ACP1: variants seen among roughly 807,000 people sequenced by gnomAD.
The protein encoded by ACP1 is acid phosphatase 1.
A neutral mutation model predicts 23.4 loss-of-function variants in ACP1; 23 were observed. That is an observed-to-expected ratio of 0.98 (90% CI 0.71 to 1.39). The LOEUF (loss-of-function observed/expected upper bound fraction) is 1.39. ACP1 is among the 40% of genes most tolerant of loss of function. ACP1 has a pLI of 0.00. For missense variants in ACP1, 180 were observed against 197.7 expected (o/e 0.91, Z 0.54); for synonymous variants, 72 against 67.2 (o/e 1.07, Z -0.35).
intron 1 of ACP1, chr2:266,363 T>C (rs1428813826): frequency 6.6e-6 from 1 of 152,232 alleles, no homozygotes; most frequent in African/African-American, 2.4e-5. Context: ...ATGAAATCAA[T>C]AAGTTTATTA....
chr2:266,948 A>C (rs112964595), intron 1 of ACP1, among the ~76,000 whole-genome samples: 4 of 152,156 alleles, frequency 2.6e-5, no homozygotes, highest in African/African-American at 9.7e-5. Context: ...GAACTCAGGC[A>C]CTGTGATAGC....
rs961284736 is a variant in ACP1, at chr2:277,432, C to T, written c.*128C>T. 1.3e-6 allele frequency: 1 copy of T among 789,768 alleles called. No homozygotes were observed. The highest frequency in any genetic ancestry group is 2.2e-6 in the Non-Finnish European group (1 of 461,074). The allele number at this position is 789,768 out of a possible 1,614,324, so 48.9% of individuals were successfully genotyped here. A position where few individuals can be genotyped will look rare whatever the true frequency, so the allele number is the denominator to read the frequency against. On this transcript the variant is annotated 3_prime_UTR_variant, in exon 6 of 6. Coordinates refer to ENST00000272065, the MANE Select transcript of ACP1 (RefSeq NM_004300.4). ...TCTTTGTTCAGTTGACTTACTGTTTCTTACCTTAAAAAGTAATTGTAGATG... is the reference window on the plus strand; with the variant it reads ...TCTTTGTTCAGTTGACTTACTGTTTTTTACCTTAAAAAGTAATTGTAGATG...
intron 3 of ACP1, among the ~76,000 whole-genome samples, chr2:273,453 TGCACCTTTTTTTGAG>T (rs1333962757): frequency 1.3e-5 from 2 of 152,250 alleles, no homozygotes; most frequent in African/African-American, 4.8e-5. Context: ...GATTGGGGCC[TGCACCTTTTTTTGAG>T]GCACCTTTTT....
intron 1 of ACP1, among the ~76,000 whole-genome samples, 181 bp from the exon 2 acceptor site, chr2:271,685 G>A (rs1033027669): frequency 4.6e-5 from 7 of 152,150 alleles, no homozygotes; most frequent in African/African-American, 1.7e-4. Flanking sequence ...AGCCTGATAG[G>A]CTGTTCTCCA....
chr2:270,594 T>C (rs1021257974), intron 1 of ACP1, among the ~76,000 whole-genome samples: 4 of 152,152 alleles, frequency 2.6e-5, no homozygotes, highest in African/African-American at 9.7e-5. Context: ...TTCCCACTTT[T>C]ATTATAATAA....
chr2:275,007 A>G, intron 3 of ACP1, 133 bp from the exon 4 acceptor site: 1 of 405,362 alleles, frequency 2.5e-6, no homozygotes. Flanking sequence ...AAAGTACCCT[A>G]AAAATTATTT....
intron 3 of ACP1, among the ~76,000 whole-genome samples, chr2:273,588 C>T (rs908626442): frequency 1.8e-4 from 28 of 152,294 alleles, no homozygotes; most frequent in Admixed American, 1.2e-3. Flanking sequence ...CCACAAAGCC[C>T]GACTGTCTCT....
chr2:276,897 A>G, intron 4 of ACP1, 83 bp from the exon 5 acceptor site: 2 of 804,504 alleles, frequency 2.5e-6, no homozygotes, highest in African/African-American at 1.7e-5. Context: ...TTTGATATGG[A>G]TGTTTCAGAA....
chr2:267,617 G>A (rs754551890), intron 1 of ACP1, among the ~76,000 whole-genome samples: 28 of 152,230 alleles, frequency 1.8e-4, no homozygotes, highest in Admixed American at 3.3e-4. Flanking sequence ...GCTGGGCCTA[G>A]TGGCCAGATA....
intron 3 of ACP1, chr2:272,687 T>C (rs1338048527): frequency 1.0e-5 from 3 of 287,920 alleles, no homozygotes; most frequent in African/African-American, 6.6e-5. Context: ...AAACATTTTT[T>C]CAACTGTAAA....
In ACP1 at chr2:278,215, GATA is replaced by G. The variant is rs1483710896; in HGVS notation, c.*914_*916del. 1 of 152,160 alleles carries G rather than the reference GATA, an allele frequency of 6.6e-6. No individual in the cohort carries two copies. The allele number at this position is 152,160 out of a possible 1,614,324, so 9.4% of individuals were successfully genotyped here. The stretch of plus-strand genomic sequence containing the variant: ...GTAAGGTAATTTCTGTGTATTTTGA[GATA>G]ATGTCAAAATCATGAATATTTCAAA... On this transcript the variant is annotated 3_prime_UTR_variant, in exon 6 of 6. Coordinates refer to ENST00000272065, the MANE Select transcript of ACP1 (RefSeq NM_004300.4).
intron 3 of ACP1, chr2:272,394 A>C: frequency 2.0e-6 from 3 of 1,509,956 alleles, no homozygotes; most frequent in Non-Finnish European, 2.7e-6. Flanking sequence ...ATATTAATGA[A>C]TGTGTTTATT....
At chr2:270,066 G>A (rs897827308) in intron 1 of ACP1, among the ~76,000 whole-genome samples, 1 of 152,054 alleles carries the variant, frequency 6.6e-6, no homozygotes, top group Non-Finnish European at 1.5e-5. Flanking sequence ...TCCTTCATAC[G>A]AGCCTCTTAC....
At chr2:265,885 C>T (rs186708534) in intron 1 of ACP1, among the ~76,000 whole-genome samples, 8 of 152,328 alleles carry the variant, frequency 5.3e-5, no homozygotes, top group Admixed American at 5.2e-4. Flanking sequence ...TGTTCGGTAG[C>T]ACTTCACATG....
intron 1 of ACP1, 128 bp downstream of exon 1, chr2:265,135 G>A: frequency 2.6e-6 from 3 of 1,162,784 alleles, no homozygotes; most frequent in East Asian, 2.6e-5. Context: ...GGAGGCCTAG[G>A]GTGTTCTAGG....
chr2:270,619 G>C (rs1362973926), intron 1 of ACP1, among the ~76,000 whole-genome samples: 1 of 152,012 alleles, frequency 6.6e-6, no homozygotes, highest in African/African-American at 2.4e-5. Context: ...AATAAATAAA[G>C]TGGAGATAGA....
At chr2:275,460 C>T (rs1670145651) in intron 4 of ACP1, 2 of 264,198 alleles carry the variant, frequency 7.6e-6, no homozygotes, top group Non-Finnish European at 1.4e-5. Flanking sequence ...ACTAGCTTGG[C>T]TGTTATAGTT....
At chr2:265,311 G>A (rs1669831709) in intron 1 of ACP1, 2 of 363,156 alleles carry the variant, frequency 5.5e-6, no homozygotes, top group Non-Finnish European at 5.0e-6. Context: ...AATCCCTCTC[G>A]TTCCCCTCCA....
intron 1 of ACP1, among the ~76,000 whole-genome samples, chr2:267,863 A>T (rs13397793): frequency 0.027 from 4,105 of 152,316 alleles, 97 homozygotes; most frequent in Non-Finnish European, 0.036. Flanking sequence ...CATCCATATG[A>T]TGAACCTGGC....
Sources: allele counts gnomAD v4.1 joint callset (sites outside exome capture counted in the v4.1 genomes callset), GRCh38; gene constraint gnomAD v4.1.1; transcripts MANE v1.5; gene names NCBI Gene and HGNC (gene_info 2026-07-23, HGNC 2026-07-21).